Variants in TAF12 observed in about 807,000 individuals in gnomAD.
TAF12 encodes transcription initiation factor TFIID subunit 12.
A neutral mutation model predicts 20.8 loss-of-function variants in TAF12; 3 were observed. The observed-to-expected ratio is 0.14, with a 90% CI of 0.07 to 0.37. The LOEUF is 0.37. Ranked by LOEUF, TAF12 falls within the 10% of genes least tolerant of loss-of-function variation. The pLI, the probability that TAF12 is intolerant of heterozygous loss-of-function variation, is 1.00. For synonymous variants in TAF12, 69 were observed against 70.2 expected, an observed-to-expected ratio of 0.98 and a Z score of 0.09; for missense variants, 131 against 197.9, an observed-to-expected ratio of 0.66 and a Z score of 2.03.
At chr1:28,616,203 C>G (rs941952801) in intron 3 of TAF12, among the ~76,000 whole-genome samples, 1 of 151,762 alleles carries the variant, frequency 6.6e-6, no homozygotes, top group Admixed American at 6.6e-5. Context: ...TTGAGACCAG[C>G]CTGGCCAACA....
intron 1 of TAF12, among the ~76,000 whole-genome samples, 195 bp from the exon 2 acceptor site, chr1:28,622,360 G>GA (rs1033224931): frequency 0.35 from 27,172 of 78,040 alleles, 3,248 homozygotes; most frequent in East Asian, 0.53. Flanking sequence ...TCTCTACCAA[G>GA]AAAAAAAAAA....
chr1:28,628,230 G>GT (rs1553129137), intron 1 of TAF12, among the ~76,000 whole-genome samples: 6 of 74,318 alleles, frequency 8.1e-5, no homozygotes, highest in Non-Finnish European at 1.4e-4. Context: ...GCAGGGGGTG[G>GT]GGGGGGGGGG....
At chr1:28,604,797 G>T (rs1453162986) in intron 5 of TAF12, among the ~76,000 whole-genome samples, 1 of 152,190 alleles carries the variant, frequency 6.6e-6, no homozygotes, top group African/African-American at 2.4e-5. Flanking sequence ...TTGTCAGAGG[G>T]AGGCCAACAC....
At chr1:28,605,510 C>A (rs1425964273) in intron 4 of TAF12, 50 bp from the exon 5 acceptor site, 1 of 1,579,166 alleles carries the variant, frequency 6.3e-7, no homozygotes, top group African/African-American at 1.4e-5. Flanking sequence ...AAGGCAGTAC[C>A]AGGAGTGCAA....
intron 1 of TAF12, among the ~76,000 whole-genome samples, chr1:28,634,546 T>C (rs1216504432): frequency 7.3e-5 from 11 of 151,308 alleles, no homozygotes; most frequent in Non-Finnish European, 1.6e-4. Flanking sequence ...ACAAAGTAAA[T>C]ATGGAAAGTC....
At chr1:28,627,782 T>C (rs926442398) in intron 1 of TAF12, among the ~76,000 whole-genome samples, 2 of 152,164 alleles carry the variant, frequency 1.3e-5, no homozygotes, top group African/African-American at 4.8e-5. Flanking sequence ...CTGACCTTGC[T>C]GAAAAGCAAA....
intron 3 of TAF12, among the ~76,000 whole-genome samples, chr1:28,615,406 C>T (rs1666999951): frequency 6.6e-6 from 1 of 151,770 alleles, no homozygotes; most frequent in Non-Finnish European, 1.5e-5. Context: ...TTGCCAGGTG[C>T]AGTGGCTCAT....
intron 4 of TAF12, among the ~76,000 whole-genome samples, chr1:28,612,592 T>C (rs1410453052): frequency 6.7e-6 from 1 of 148,786 alleles, no homozygotes; most frequent in Non-Finnish European, 1.5e-5. Context: ...ATATAACACA[T>C]AGTTATAGAC....
intron 3 of TAF12, among the ~76,000 whole-genome samples, chr1:28,616,436 G>GA (rs1330810203): frequency 6.7e-6 from 1 of 148,898 alleles, no homozygotes; most frequent in African/African-American, 2.5e-5. Context: ...AAACAGTAAG[G>GA]AAAGTTATAT....
chr1:28,630,707 G>A (rs1176076878), intron 1 of TAF12, among the ~76,000 whole-genome samples: 1 of 152,028 alleles, frequency 6.6e-6, no homozygotes, highest in Non-Finnish European at 1.5e-5. Context: ...TTGATAAAGT[G>A]GACTTAATCA....
At chr1:28,620,425 G>A (rs555084221) in intron 2 of TAF12, among the ~76,000 whole-genome samples, 1 of 150,058 alleles carries the variant, frequency 6.7e-6, no homozygotes, top group African/African-American at 2.4e-5. Context: ...GAGCTACCGC[G>A]CACACCCAAG....
intron 4 of TAF12, among the ~76,000 whole-genome samples, chr1:28,606,746 G>A (rs1037581377): frequency 3.3e-5 from 5 of 152,188 alleles, no homozygotes; most frequent in Non-Finnish European, 7.3e-5. Context: ...TCACACCTAA[G>A]GGACATGAAG....
chr1:28,641,736 C>T (rs951139948), intron 1 of TAF12, among the ~76,000 whole-genome samples: 1 of 139,468 alleles, frequency 7.2e-6, no homozygotes, highest in African/African-American at 2.7e-5. Context: ...TGGAGGTGCA[C>T]GGGGCCAAGA....
At chr1:28,645,200 T>C (rs1668154366), upstream of TAF12, among the ~76,000 whole-genome samples, 6 of 149,974 alleles carry the variant, frequency 4.0e-5, 1 homozygote, top group South Asian at 1.3e-3. Flanking sequence ...CGCGCCCGGC[T>C]AATTTTTTGT....
intron 4 of TAF12, among the ~76,000 whole-genome samples, chr1:28,609,132 A>G: frequency 6.6e-6 from 1 of 151,838 alleles, no homozygotes; most frequent in East Asian, 1.9e-4. Context: ...GCTGGAGTGC[A>G]ATGGTGTGAT....
intron 2 of TAF12, among the ~76,000 whole-genome samples, chr1:28,618,931 C>T (rs1456114704): frequency 6.6e-6 from 1 of 152,098 alleles, no homozygotes; most frequent in Admixed American, 6.6e-5. Context: ...GCCTGTAGTC[C>T]CAGCTACTCA....
At chr1:28,624,195 A>T (rs1423194684) in intron 1 of TAF12, among the ~76,000 whole-genome samples, 1 of 152,174 alleles carries the variant, frequency 6.6e-6, no homozygotes, top group Non-Finnish European at 1.5e-5. Flanking sequence ...TCTCTTTCAT[A>T]AGCAACTTTG....
Position 28,616,184 on chromosome 1 carries a change from G to A in TAF12, c.246+1769C>T, listed in dbSNP as rs180822612. Among the ~76,000 whole-genome samples, 88 of 151,942 alleles carry A rather than the reference G, an allele frequency of 5.8e-4. 2 individuals carry two copies. Among genetic ancestry groups the A allele is most frequent in the Non-Finnish European group, 1.2e-3 (79 of 67,948 alleles). ...GGCTGAGGTGGACAGATCACTTGAGGTCAGAAGTTTGAGACCAGCCTGGCC... is the reference window on the plus strand; with the variant it reads ...GGCTGAGGTGGACAGATCACTTGAGATCAGAAGTTTGAGACCAGCCTGGCC... On this transcript the variant is annotated intron_variant, in intron 3 of 5. Transcript: ENST00000373824.
At chr1:28,623,996 C>T (rs1037677730) in intron 1 of TAF12, 26 of 985,670 alleles carry the variant, frequency 2.6e-5, no homozygotes, top group East Asian at 1.1e-4. Context: ...GCTGTGAGCC[C>T]GGTGAAATGA....
Sources: allele counts gnomAD v4.1 joint callset (sites outside exome capture counted in the v4.1 genomes callset), GRCh38; gene constraint gnomAD v4.1.1; transcripts MANE v1.5; gene names NCBI Gene and HGNC (gene_info 2026-07-23, HGNC 2026-07-21).